Variants in OTUD7A observed in about 807,000 individuals in gnomAD.
OTUD7A encodes the protein OTU domain-containing protein 7A.
OTUD7A carries 12 observed loss-of-function variants against 65.7 expected under a neutral mutation model. That is an observed-to-expected ratio of 0.18 (90% CI 0.12 to 0.30). The LOEUF is 0.30. Among genes scored for constraint, OTUD7A ranks in the 10% least tolerant of loss-of-function variants. OTUD7A has a pLI of 1.00. For missense variants in OTUD7A, 1,148 were observed against 1,304.8 expected (o/e 0.88, Z 1.85); for synonymous variants, 641 against 586.3 (o/e 1.09, Z -1.35).
chr15:31,616,595 A>G (rs1233016071), intron 3 of OTUD7A, among the ~76,000 whole-genome samples: 1 of 152,148 alleles, frequency 6.6e-6, no homozygotes, highest in Non-Finnish European at 1.5e-5. Context: ...TCCAAGCTGG[A>G]GTGCAGTGGC....
chr15:31,640,129 G>C (rs185556010), intron 3 of OTUD7A, among the ~76,000 whole-genome samples: 3,140 of 152,170 alleles, frequency 0.021, 101 homozygotes, highest in African/African-American at 0.072. Flanking sequence ...GCATTTGAGC[G>C]ACCTGGATGA....
chr15:31,678,234 T>G (rs1892636526), intron 1 of OTUD7A, among the ~76,000 whole-genome samples: 1 of 152,206 alleles, frequency 6.6e-6, no homozygotes, highest in African/African-American at 2.4e-5. Flanking sequence ...AGATATGGTT[T>G]GGAATTGGAA....
chr15:31,698,117 T>TTATGCTAGTGACAATTCCATC (rs1893126243), intron 1 of OTUD7A, among the ~76,000 whole-genome samples: 1 of 152,258 alleles, frequency 6.6e-6, no homozygotes, highest in Non-Finnish European at 1.5e-5. Flanking sequence ...ATCGTTAAAA[T>TTATGCTAGTGACAATTCCATC]TATGCTAGTG....
chr15:31,547,650 A>T (rs193120855), intron 5 of OTUD7A, among the ~76,000 whole-genome samples: 101 of 152,260 alleles, frequency 6.6e-4, no homozygotes, highest in Non-Finnish European at 1.4e-3. Flanking sequence ...ACTTGCTTCC[A>T]AACTTCAGTC....
At chr15:31,502,123 C>T (rs906588994) in intron 9 of OTUD7A, among the ~76,000 whole-genome samples, 2 of 152,194 alleles carry the variant, frequency 1.3e-5, no homozygotes, top group Non-Finnish European at 2.9e-5. Context: ...GCCTGGAAGC[C>T]CACCTTTTTC....
rs376410592 is a variant in OTUD7A at position 31,785,264 on chromosome 15, G to T, written c.-100+85243C>A. Reference sequence around the variant, plus strand: ...TGACGCATGTAAACCCTGTAAGTATGCATTGATACATTTTCTCAGCTGGTC... The same window carrying T: ...TGACGCATGTAAACCCTGTAAGTATTCATTGATACATTTTCTCAGCTGGTC... On this transcript the variant is annotated intron_variant, in intron 1 of 12. Transcript: ENST00000307050. 3.3e-4 allele frequency among the ~76,000 whole-genome samples: 51 copies of T among 152,318 alleles called. 1 individual carries two copies. The highest frequency in any genetic ancestry group is 1.2e-3 in the African/African-American group (49 of 41,562).
chr15:31,772,830 TCTAA>T (rs1404315312), intron 1 of OTUD7A, among the ~76,000 whole-genome samples: 1 of 152,224 alleles, frequency 6.6e-6, no homozygotes, highest in Non-Finnish European at 1.5e-5. Flanking sequence ...TATCTTAAAT[TCTAA>T]CTGTGGTTAA....
Position 31,784,650 on chromosome 15 carries a change from T to C in OTUD7A, c.-100+85857A>G, listed in dbSNP as rs528142363. ...TAGGCACCACGATAATTTTTAAGAA[T>C]GTAAGGGAACCTGACATCAAAAATT... On this transcript the variant is annotated intron_variant, in intron 1 of 12. Coordinates refer to ENST00000307050, the MANE Select transcript of OTUD7A (RefSeq NM_001382637.1). Among the ~76,000 whole-genome samples, 3 of 152,290 alleles carry C rather than the reference T, an allele frequency of 2.0e-5. No homozygotes were observed. The South Asian group carries it at 6.2e-4, about 32-fold the overall frequency.
rs764076940 is a variant in OTUD7A, at chr15:31,661,926, AT to A, written c.-99-4850del. Among the ~76,000 whole-genome samples the A allele has an allele frequency of 2.0e-5, 3 of 151,900 alleles. No individual in the cohort carries two copies. In the East Asian group the frequency reaches 5.8e-4, roughly 29 times the overall value. On this transcript the variant is annotated intron_variant, in intron 1 of 12. Coordinates refer to ENST00000307050, the MANE Select transcript of OTUD7A (RefSeq NM_001382637.1). ...GTTTGTTGAAAAATCTTATATATAT[AT>A]TTTTCTCTAGAGTTTTCTATCATCT...
At chr15:31,671,689 T>C (rs1363300642) in intron 1 of OTUD7A, among the ~76,000 whole-genome samples, 1 of 152,248 alleles carries the variant, frequency 6.6e-6, no homozygotes, top group Non-Finnish European at 1.5e-5. Flanking sequence ...TGTTTCTTTT[T>C]ATGTGCTTTT....
chr15:31,575,878 GA>G (rs1889189372), intron 3 of OTUD7A, among the ~76,000 whole-genome samples: 1 of 152,164 alleles, frequency 6.6e-6, no homozygotes, highest in African/African-American at 2.4e-5. Context: ...CACGGGATGT[GA>G]AATGAACACA....
chr15:31,725,035 G>T (rs552943038), intron 1 of OTUD7A, among the ~76,000 whole-genome samples: 2 of 152,176 alleles, frequency 1.3e-5, no homozygotes, highest in South Asian at 2.1e-4. Flanking sequence ...CAGAGGGATC[G>T]GGAGCCTCAT....
chr15:31,748,924 C>T (rs1894552061), intron 1 of OTUD7A, among the ~76,000 whole-genome samples: 1 of 151,964 alleles, frequency 6.6e-6, no homozygotes, highest in South Asian at 2.1e-4. Context: ...TATTAGTTAC[C>T]AGTGAAAAAA....
intron 4 of OTUD7A, among the ~76,000 whole-genome samples, chr15:31,560,646 T>C (rs1008782882): frequency 6.6e-6 from 1 of 152,252 alleles, no homozygotes; most frequent in Admixed American, 6.5e-5. Flanking sequence ...CAGGAAAGCA[T>C]GGTCTCTGGT....
At chr15:31,726,710 C>T (rs1337411615) in intron 1 of OTUD7A, among the ~76,000 whole-genome samples, 2 of 152,184 alleles carry the variant, frequency 1.3e-5, no homozygotes, top group East Asian at 3.8e-4. Flanking sequence ...ATGTGGGCTC[C>T]AATGGCTGCA....
At chr15:31,817,544 T>G (rs1240606524) in intron 1 of OTUD7A, among the ~76,000 whole-genome samples, 1 of 152,194 alleles carries the variant, frequency 6.6e-6, no homozygotes, top group African/African-American at 2.4e-5. Flanking sequence ...TGCTGATCTT[T>G]GAAAAACCCA....
chr15:31,734,351 T>C (rs1894127644), intron 1 of OTUD7A, among the ~76,000 whole-genome samples: 1 of 152,214 alleles, frequency 6.6e-6, no homozygotes, highest in Admixed American at 6.5e-5. Context: ...ATAAATTCAA[T>C]GCTATTCCTA....
At chr15:31,546,503 C>T (rs1446160612) in intron 5 of OTUD7A, among the ~76,000 whole-genome samples, 2 of 152,190 alleles carry the variant, frequency 1.3e-5, no homozygotes, top group Non-Finnish European at 2.9e-5. Context: ...CTGTCCCCCA[C>T]CCCAAGGCAT....
intron 3 of OTUD7A, among the ~76,000 whole-genome samples, chr15:31,570,811 G>C (rs560194883): frequency 2.6e-5 from 4 of 152,074 alleles, no homozygotes; most frequent in African/African-American, 7.2e-5. Context: ...GACACGGGGT[G>C]CTGGACTGGC....
Sources: allele counts gnomAD v4.1 joint callset (sites outside exome capture counted in the v4.1 genomes callset), GRCh38; gene constraint gnomAD v4.1.1; transcripts MANE v1.5; gene names NCBI Gene and HGNC (gene_info 2026-07-23, HGNC 2026-07-21).